Variants in GRHL3 observed in about 807,000 individuals in gnomAD.
GRHL3 encodes grainyhead like transcription factor 3.
In GRHL3, 20 loss-of-function variants were observed where a neutral mutation model predicts 70.3. The ratio of observed to expected loss-of-function variants is 0.28; its 90% CI spans 0.20 to 0.41. The LOEUF is 0.41. GRHL3 is among the 10% of genes least tolerant of loss of function. The pLI is 1.00. For missense variants in GRHL3, 637 were observed against 762.3 expected, an observed-to-expected ratio of 0.84 and a Z score of 1.94; for synonymous variants, 299 against 299.9, an observed-to-expected ratio of 1.00 and a Z score of 0.03.
downstream of GRHL3, chr1:24,358,494 G>T: frequency 6.8e-7 from 1 of 1,473,958 alleles, no homozygotes; most frequent in Non-Finnish European, 9.5e-7. Context: ...GGGGACGCTG[G>T]GCAGGGTGGG....
chr1:24,319,613 G>T, intron 1 of GRHL3, 45 bp downstream of exon 1: 1 of 1,613,482 alleles, frequency 6.2e-7, no homozygotes, highest in Non-Finnish European at 8.5e-7. Context: ...GAGCGTGGAG[G>T]CTGGATGGGG....
At chr1:24,351,511 T>C (rs541013538) in intron 15 of GRHL3, among the ~76,000 whole-genome samples, 9 of 152,044 alleles carry the variant, frequency 5.9e-5, no homozygotes, top group African/African-American at 1.9e-4. Context: ...TAGAGTGAAA[T>C]CCACTTCACG....
Position 24,354,608 on chromosome 1 carries a change from A to G in GRHL3, c.*120A>G. 2 of 671,200 alleles carry G rather than the reference A, an allele frequency of 3.0e-6. No individual in the cohort carries two copies. Among genetic ancestry groups the G allele is most frequent in the East Asian group, 2.8e-5 (1 of 35,766 alleles). The allele number at this position is 671,200 out of a possible 1,614,324, so 41.6% of individuals were successfully genotyped here. ...TTACTTGAATGCCTTCCCTGAGGGA[A>G]GAGGCCCTTGAGTCACAGACCCACA... On this transcript the variant is annotated 3_prime_UTR_variant, in exon 16 of 16. Transcript: ENST00000361548.
intron 4 of GRHL3, 107 bp from the exon 5 acceptor site, chr1:24,336,971 C>A: frequency 1.6e-6 from 2 of 1,261,736 alleles, no homozygotes; most frequent in Non-Finnish European, 1.1e-6. Flanking sequence ...TACTATTGTC[C>A]AAGTTGTACA....
chr1:24,349,645 A>T (rs1444161458), intron 14 of GRHL3, among the ~76,000 whole-genome samples: 1 of 152,234 alleles, frequency 6.6e-6, no homozygotes, highest in Non-Finnish European at 1.5e-5. Context: ...CACCCTCAGC[A>T]CTAGGACAGT....
rs750351785 is a variant in GRHL3 at position 24,354,517 on chromosome 1, C to A, written c.*29C>A. ...CTCTCGAGCATCCAAACCCTCACGA[C>A]CTGCAAGGGGCCAGCAGGGACGTGG... On this transcript the variant is annotated 3_prime_UTR_variant, in exon 16 of 16. Coordinates refer to ENST00000361548, the MANE Select transcript of GRHL3 (RefSeq NM_198173.3). 28 of 1,425,280 alleles carry A rather than the reference C, an allele frequency of 2.0e-5. No individual in the cohort carries two copies. The East Asian group carries it at 5.0e-4, about 26-fold the overall frequency. 88.3% of individuals were successfully genotyped at this position (1,425,280 alleles called of 1,614,324 possible). A position where few individuals can be genotyped will look rare whatever the true frequency, so the allele number is the denominator to read the frequency against.
rs187998795 is a variant in GRHL3 at position 24,361,378 on chromosome 1, G to T, written c.1695-2807G>T. On this transcript the variant is annotated intron_variant, in intron 15 of 15. Coordinates refer to the GRHL3 transcript ENST00000350501. The stretch of plus-strand genomic sequence containing the variant: ...ATGTGGAGCTAACCAGAAATGGCAG[G>T]CCGTGTATATCTCATGTGCCAACTC... 1.6e-4 allele frequency among the ~76,000 whole-genome samples: 24 copies of T among 152,268 alleles called. No individual in the cohort carries two copies. In the East Asian group the frequency reaches 4.2e-3, roughly 27 times the overall value.
intron 12 of GRHL3, 90 bp downstream of exon 12, chr1:24,345,021 G>A (rs1640201171): frequency 3.3e-6 from 4 of 1,205,754 alleles, no homozygotes; most frequent in East Asian, 2.8e-5. Flanking sequence ...CGCCACACCT[G>A]TGCCCCCTCT....
chr1:24,347,661 C>G (rs150258513), intron 14 of GRHL3, 108 bp downstream of exon 14: 3 of 906,490 alleles, frequency 3.3e-6, no homozygotes, highest in Non-Finnish European at 5.4e-6. Flanking sequence ...CTTGGCATGC[C>G]GGTGGCCTAC....
chr1:24,354,065 A>C (rs1406180659), intron 15 of GRHL3, among the ~76,000 whole-genome samples: 2 of 152,294 alleles, frequency 1.3e-5, no homozygotes, highest in Non-Finnish European at 2.9e-5. Flanking sequence ...CCCCAGATCT[A>C]CATACTAGTT....
At chr1:24,361,149 AC>A in intron 15 of GRHL3, 1 of 1,076,078 alleles carries the variant, frequency 9.3e-7, no homozygotes, top group Non-Finnish European at 1.3e-6. Flanking sequence ...CTGGAAGAGG[AC>A]TGGTCACGGC....
intron 12 of GRHL3, among the ~76,000 whole-genome samples, chr1:24,345,171 G>A (rs187834386): frequency 9.9e-3 from 310 of 31,428 alleles, no homozygotes; most frequent in African/African-American, 0.042. Flanking sequence ...CTCCACACCT[G>A]TGCCCCCTCT....
chr1:24,346,608 TCCAAGCAGG>T lies in GRHL3; in HGVS notation c.1516_1524del (p.Gln506_Lys508del). On this transcript the variant is annotated inframe_deletion, in exon 13 of 16. Coordinates refer to ENST00000361548, the MANE Select transcript of GRHL3 (RefSeq NM_198173.3). ...CACTGAGGAGTTTGAGCCTCTGCCC[TCCAAGCAGG>T]CCAAGGAAGGCGACCTTCAGAGAGG... 2 of 1,613,106 alleles carry T rather than the reference TCCAAGCAGG, an allele frequency of 1.2e-6. No homozygotes were observed.
chr1:24,324,264 A>G (rs1639309641), intron 1 of GRHL3, among the ~76,000 whole-genome samples: 1 of 152,192 alleles, frequency 6.6e-6, no homozygotes, highest in African/African-American at 2.4e-5. Flanking sequence ...GCACCTAGAT[A>G]ATTTACATGC....
intron 8 of GRHL3, among the ~76,000 whole-genome samples, chr1:24,341,389 A>G (rs904821383): frequency 6.6e-6 from 1 of 152,238 alleles, no homozygotes; most frequent in East Asian, 1.9e-4. Flanking sequence ...CTGAAGCCGT[A>G]TATGGCTAGT....
chr1:24,357,948 T>G, downstream of GRHL3: 1 of 335,648 alleles, frequency 3.0e-6, no homozygotes, highest in Non-Finnish European at 5.9e-6. Flanking sequence ...CTAAAAGGAG[T>G]AAAGAGAGGT....
chr1:24,356,241 ATCT>A (rs1372013466), downstream of GRHL3, among the ~76,000 whole-genome samples: 1 of 138,140 alleles, frequency 7.2e-6, no homozygotes, highest in Non-Finnish European at 1.6e-5. Flanking sequence ...TGCCTCATTT[ATCT>A]TTTTTTTTGT....
Position 24,354,705 on chromosome 1 carries a change from C to T in GRHL3, c.*217C>T, listed in dbSNP as rs1215549244. 2.1e-6 allele frequency: 1 copy of T among 476,418 alleles called. No individual in the cohort carries two copies. Among genetic ancestry groups the T allele is most frequent in the Non-Finnish European group, 3.8e-6 (1 of 262,882 alleles). The allele number at this position is 476,418 out of a possible 1,614,324, so 29.5% of individuals were successfully genotyped here. On this transcript the variant is annotated 3_prime_UTR_variant, in exon 16 of 16. Coordinates refer to ENST00000361548, the MANE Select transcript of GRHL3 (RefSeq NM_198173.3). ...CCCATGGTATGCTTGAATCTGCTCC[C>T]TGAACTTCCTGCCAGTGCCTCCCCG...
intron 8 of GRHL3, among the ~76,000 whole-genome samples, chr1:24,341,282 T>C (rs1640026348): frequency 6.6e-6 from 1 of 152,066 alleles, no homozygotes; most frequent in Non-Finnish European, 1.5e-5. Context: ...GGTTATAACA[T>C]ATCAAGCCTA....
Sources: gnomAD v4.1 joint callset for allele counts (sites outside exome capture counted in the v4.1 genomes callset) on GRCh38, gnomAD v4.1.1 for gene constraint, MANE v1.5 for transcripts, NCBI Gene and HGNC (gene_info 2026-07-23, HGNC 2026-07-21) for gene names.